Variants in TMEM163 observed in about 807,000 individuals in gnomAD.
TMEM163 encodes the protein transmembrane protein 163.
A neutral mutation model predicts 29.3 loss-of-function variants in TMEM163; 17 were observed. The observed-to-expected ratio is 0.58, with a 90% confidence interval of 0.40 to 0.87. TMEM163 has a LOEUF of 0.87. TMEM163 is among the 40% of genes least tolerant of loss of function. TMEM163 has a pLI of 0.00. For synonymous variants in TMEM163, 157 were observed against 160.6 expected (o/e 0.98, Z 0.17); for missense variants, 303 against 381.5 (o/e 0.79, Z 1.71).
At chr2:134,699,129 G>A (rs1412130392) in intron 2 of TMEM163, among the ~76,000 whole-genome samples, 1 of 152,184 alleles carries the variant, frequency 6.6e-6, no homozygotes, top group Non-Finnish European at 1.5e-5. Flanking sequence ...CTCACAGAAT[G>A]ACTAGCATAG....
chr2:134,713,349 G>C, intron 1 of TMEM163, 30 bp from the exon 2 acceptor site: 1 of 1,611,866 alleles, frequency 6.2e-7, no homozygotes, highest in Non-Finnish European at 8.5e-7. Flanking sequence ...AGGGAAGTTA[G>C]ACATTTCCTT....
chr2:134,501,257 C>T (rs933396618), intron 5 of TMEM163, among the ~76,000 whole-genome samples: 3 of 152,186 alleles, frequency 2.0e-5, no homozygotes, highest in Admixed American at 2.0e-4. Flanking sequence ...CCAGGTGAGG[C>T]TGGGTGTTGG....
At chr2:134,474,546 T>C (rs1377872244) in intron 5 of TMEM163, among the ~76,000 whole-genome samples, 2 of 152,178 alleles carry the variant, frequency 1.3e-5, no homozygotes, top group African/African-American at 4.8e-5. Context: ...AGTATACAGA[T>C]AGAAAAGAAA....
intron 4 of TMEM163, among the ~76,000 whole-genome samples, chr2:134,537,727 CTT>C (rs1680572554): frequency 1.3e-5 from 2 of 152,192 alleles, no homozygotes; most frequent in African/African-American, 4.8e-5. Flanking sequence ...AGTCCCCTGA[CTT>C]TGTGCCATTA....
In TMEM163 at chr2:134,552,043, C is replaced by T. The variant is rs751336622; in HGVS notation, c.366+5G>A. 6.2e-7 allele frequency: 1 copy of T among 1,613,056 alleles called. No individual in the cohort carries two copies. The highest frequency in any genetic ancestry group is 1.7e-5 in the Admixed American group (1 of 59,896). ...CTTGATGAAAGTACATTTCAGGTTA[C>T]TTACTGCAAACCCAAAAGCAGAGGC... On this transcript the variant is annotated splice_donor_5th_base_variant and intron_variant, in intron 3 of 7. Coordinates refer to ENST00000281924, the MANE Select transcript of TMEM163 (RefSeq NM_030923.5).
At chr2:134,473,197 C>A (rs751058109) in intron 5 of TMEM163, among the ~76,000 whole-genome samples, 1 of 152,036 alleles carries the variant, frequency 6.6e-6, no homozygotes, top group Non-Finnish European at 1.5e-5. Flanking sequence ...TCAAATTAAT[C>A]CCAAAGTAAG....
chr2:134,679,364 T>C (rs1245043177), intron 2 of TMEM163, among the ~76,000 whole-genome samples: 1 of 152,230 alleles, frequency 6.6e-6, no homozygotes, highest in African/African-American at 2.4e-5. Flanking sequence ...CGTTACATCA[T>C]GCATCATAAG....
intron 2 of TMEM163, among the ~76,000 whole-genome samples, chr2:134,643,548 A>C (rs768177537): frequency 3.3e-5 from 5 of 152,130 alleles, no homozygotes; most frequent in Non-Finnish European, 7.4e-5. Context: ...ACTACAGATC[A>C]ATATTCTTCA....
At position 134,611,744 on chromosome 2, in the gene TMEM163, T is replaced by G. The variant is rs537819567; in HGVS notation, c.323-59653A>C. Among the ~76,000 whole-genome samples the G allele has an allele frequency of 3.3e-5, 5 of 152,286 alleles. No homozygotes were observed. The South Asian group carries it at 1.0e-3, about 32-fold the overall frequency. ...GACCTGGTACAGTGGACTCTTTGCT[T>G]TCCATTTATACCACGGCTGTCCAGA... On this transcript the variant is annotated intron_variant, in intron 2 of 7. Coordinates refer to ENST00000281924, the MANE Select transcript of TMEM163 (RefSeq NM_030923.5).
At chr2:134,484,826 G>A (rs934662534) in intron 5 of TMEM163, among the ~76,000 whole-genome samples, 1 of 152,126 alleles carries the variant, frequency 6.6e-6, no homozygotes, top group African/African-American at 2.4e-5. Flanking sequence ...CATAAATCAC[G>A]CTGATAACAA....
At chr2:134,500,555 G>A (rs916079290) in intron 5 of TMEM163, among the ~76,000 whole-genome samples, 103 of 152,126 alleles carry the variant, frequency 6.8e-4, no homozygotes, top group African/African-American at 2.4e-3. Context: ...GACCATAAAT[G>A]GGTGTGATTT....
At chr2:134,495,660 A>G (rs1679534098) in intron 5 of TMEM163, among the ~76,000 whole-genome samples, 1 of 152,230 alleles carries the variant, frequency 6.6e-6, no homozygotes, top group Non-Finnish European at 1.5e-5. Context: ...GAGCTCCTGC[A>G]CTAGGCCCCA....
At position 134,649,311 on chromosome 2, in the gene TMEM163, T is replaced by C. The variant is rs533883093; in HGVS notation, c.322+63889A>G. 6.4e-4 allele frequency among the ~76,000 whole-genome samples: 98 copies of C among 152,312 alleles called. 1 individual carries two copies. Among genetic ancestry groups the C allele is most frequent in the African/African-American group, 2.3e-3 (94 of 41,578 alleles). Reference sequence around the variant, plus strand: ...TGTCAACTAATGATCAAACACAACTTGAGGAATCATCATGCTCCCCTCCAT... The same window carrying C: ...TGTCAACTAATGATCAAACACAACTCGAGGAATCATCATGCTCCCCTCCAT... On this transcript the variant is annotated intron_variant, in intron 2 of 7. Coordinates refer to ENST00000281924, the MANE Select transcript of TMEM163 (RefSeq NM_030923.5).
intron 4 of TMEM163, among the ~76,000 whole-genome samples, chr2:134,535,562 G>C (rs1266506339): frequency 1.3e-5 from 2 of 151,976 alleles, no homozygotes; most frequent in Non-Finnish European, 2.9e-5. Context: ...CTGATCAAAG[G>C]GCATAAAGTT....
At chr2:134,480,548 G>A (rs1687028439) in intron 5 of TMEM163, among the ~76,000 whole-genome samples, 1 of 152,172 alleles carries the variant, frequency 6.6e-6, no homozygotes, top group Non-Finnish European at 1.5e-5. Flanking sequence ...ATACTCAAGA[G>A]TGTAGACATA....
intron 1 of TMEM163, among the ~76,000 whole-genome samples, chr2:134,717,030 G>A (rs1008662820): frequency 5.3e-5 from 8 of 152,172 alleles, no homozygotes; most frequent in African/African-American, 1.9e-4. Flanking sequence ...ATGAAATTCC[G>A]TTGACCAGAG....
intron 6 of TMEM163, among the ~76,000 whole-genome samples, chr2:134,464,868 C>T (rs1038075848): frequency 1.3e-5 from 2 of 152,158 alleles, no homozygotes; most frequent in Admixed American, 6.5e-5. Flanking sequence ...TGTCCCTGCC[C>T]ACTGTGCAAA....
At chr2:134,572,809 C>A (rs1257544364) in intron 2 of TMEM163, among the ~76,000 whole-genome samples, 1 of 152,216 alleles carries the variant, frequency 6.6e-6, no homozygotes, top group Non-Finnish European at 1.5e-5. Flanking sequence ...TGCAAGGAGG[C>A]CTGTACAGCC....
intron 2 of TMEM163, among the ~76,000 whole-genome samples, chr2:134,570,401 A>C (rs1681392600): frequency 6.6e-6 from 1 of 152,108 alleles, no homozygotes; most frequent in South Asian, 2.1e-4. Flanking sequence ...GCACTATCCA[A>C]GCTTACAGGC....
Sources: allele counts gnomAD v4.1 joint callset (sites outside exome capture counted in the v4.1 genomes callset), GRCh38; gene constraint gnomAD v4.1.1; transcripts MANE v1.5; gene names NCBI Gene and HGNC (gene_info 2026-07-23, HGNC 2026-07-21).